Variants in TMEM200C observed in about 807,000 individuals in gnomAD.
TMEM200C encodes transmembrane protein TTMA.
For synonymous variants in TMEM200C, 462 were observed against 324.7 expected, an observed-to-expected ratio of 1.42 and a Z score of -4.55; for missense variants, 966 against 699.9, an observed-to-expected ratio of 1.38 and a Z score of -4.29.
chr18:5,884,953 T>G (rs1333562300), exon 3 of TMEM200C: 1 of 152,166 alleles, frequency 6.6e-6, no homozygotes, highest in Non-Finnish European at 1.5e-5. Flanking sequence ...CATTTACTAG[T>G]ATCAAGTGGG....
chr18:5,894,713 T>C (rs191502704), intron 2 of TMEM200C, among the ~76,000 whole-genome samples: 2 of 152,250 alleles, frequency 1.3e-5, no homozygotes, highest in South Asian at 2.1e-4. Flanking sequence ...CCCCGGCCCC[T>C]CACTGGCAGG....
At chr18:5,896,007 C>G (rs926977248), upstream of TMEM200C, 2 of 152,416 alleles carry the variant, frequency 1.3e-5, no homozygotes, top group Non-Finnish European at 2.9e-5. Flanking sequence ...TTTGTTGCCT[C>G]TACTCCTCGG....
exon 3 of TMEM200C, chr18:5,890,373 G>A (rs750903853): frequency 1.3e-6 from 2 of 1,590,810 alleles, no homozygotes; most frequent in Non-Finnish European, 1.7e-6. Flanking sequence ...AACGGGGGCG[G>A]CCACAGCAGA....
In TMEM200C at chr18:5,884,717, G is replaced by C. The variant is rs549090112; in HGVS notation, c.*5481C>G. The C allele has an allele frequency of 2.0e-5, 3 of 152,098 alleles. No individual in the cohort carries two copies. The East Asian group carries it at 5.8e-4, about 29-fold the overall frequency. 9.4% of individuals were successfully genotyped at this position (152,098 alleles called of 1,614,324 possible). ...ACAAAAGGGAGTGAAAAGGCAATTAGCCACATAAAACAATAGCAAAAGTCC... is the reference window on the plus strand; with the variant it reads ...ACAAAAGGGAGTGAAAAGGCAATTACCCACATAAAACAATAGCAAAAGTCC... On this transcript the variant is annotated 3_prime_UTR_variant, in exon 3 of 3. Coordinates refer to ENST00000581347, the Ensembl canonical transcript of TMEM200C.
exon 3 of TMEM200C, chr18:5,883,693 A>T (rs1016700215): frequency 6.6e-6 from 1 of 152,156 alleles, no homozygotes; most frequent in Non-Finnish European, 1.5e-5. Context: ...TATCATGTGT[A>T]GATTCTGAAA....
chr18:5,887,858 G>T (rs1234037437), exon 3 of TMEM200C: 2 of 152,138 alleles, frequency 1.3e-5, no homozygotes, highest in Non-Finnish European at 2.9e-5. Flanking sequence ...GGAAAATTGA[G>T]CTCATCTTTG....
chr18:5,886,109 A>G (rs1196383074), exon 3 of TMEM200C: 1 of 152,116 alleles, frequency 6.6e-6, no homozygotes, highest in African/African-American at 2.4e-5. Flanking sequence ...TACTAATTTT[A>G]TGTGTCAGAG....
At chr18:5,886,750 C>T (rs2095165642) in exon 3 of TMEM200C, 1 of 152,046 alleles carries the variant, frequency 6.6e-6, no homozygotes, top group South Asian at 2.1e-4. Flanking sequence ...TTTATTATCT[C>T]CATTTACTAG....
chr18:5,883,583 A>G (rs1033773938), exon 3 of TMEM200C: 19 of 152,306 alleles, frequency 1.2e-4, no homozygotes, highest in African/African-American at 4.3e-4. Context: ...TGAGGAACAA[A>G]AAAACGGATG....
exon 3 of TMEM200C, chr18:5,890,456 G>C: frequency 6.3e-7 from 1 of 1,574,922 alleles, no homozygotes; most frequent in Non-Finnish European, 8.6e-7. Context: ...GGGGTGTGTA[G>C]CCCTTATTGC....
exon 3 of TMEM200C, chr18:5,890,681 G>A: frequency 3.7e-6 from 2 of 544,432 alleles, no homozygotes; most frequent in Non-Finnish European, 2.8e-6. Flanking sequence ...CGTACCTGCC[G>A]GTCCTGGGCA....
chr18:5,890,153 G>C, exon 3 of TMEM200C: 1 of 1,482,142 alleles, frequency 6.7e-7, no homozygotes, highest in Non-Finnish European at 9.0e-7. Flanking sequence ...TCAAGTGGGC[G>C]TTTCTCCCAT....
intron 1 of TMEM200C, among the ~76,000 whole-genome samples, 114 bp from the exon 1 acceptor site, chr18:5,895,636 C>T (rs979611433): frequency 2.7e-5 from 4 of 148,136 alleles, no homozygotes; most frequent in East Asian, 2.0e-4. Flanking sequence ...CCCGCTCCCC[C>T]GCGTCCTCCG....
chr18:5,884,597 G>T (rs2095164033), exon 3 of TMEM200C: 1 of 152,096 alleles, frequency 6.6e-6, no homozygotes, highest in Non-Finnish European at 1.5e-5. Context: ...AAACTCATCT[G>T]AAAGCAATTT....
chr18:5,891,663 G>C lies in TMEM200C; in HGVS notation c.401C>G (p.Thr134Arg). Residue 134 changes from threonine to arginine, a missense_variant, in exon 3 of 3, where the codon ACG becomes AGG. Physicochemically the swap from Thr to Arg is moderately conservative, Grantham distance 71 (BLOSUM62 -1). Coordinates refer to ENST00000581347, the Ensembl canonical transcript of TMEM200C. The surrounding 1 kb of genome is among the most constrained non-coding windows in gnomAD (Gnocchi z 4.7). Reference sequence around the variant, plus strand: ...CGGGGAGGCGGCTCGTGCTGGAGGCGTGCTCCTGGGCGCGCCCGCGGAACT... The same window carrying C: ...CGGGGAGGCGGCTCGTGCTGGAGGCCTGCTCCTGGGCGCGCCCGCGGAACT... The C allele has an allele frequency of 3.1e-6, 5 of 1,613,760 alleles. No homozygotes were observed. The Admixed American group carries it at 6.7e-5, about 22-fold the overall frequency.
In TMEM200C at chr18:5,891,266, G is replaced by A; in HGVS notation, c.798C>T (p.Cys266=). 4 of 1,404,130 alleles carry A rather than the reference G, an allele frequency of 2.8e-6. No individual in the cohort carries two copies. The highest frequency in any genetic ancestry group is 2.5e-4 in the Middle Eastern group (1 of 3,948). 87.0% of individuals were successfully genotyped at this position (1,404,130 alleles called of 1,614,324 possible). A position where few individuals can be genotyped will look rare whatever the true frequency, so the allele number is the denominator to read the frequency against. Residue 266 remains cysteine, a synonymous_variant, in exon 3 of 3, where the codon TGC becomes TGT. Transcript: ENST00000581347. This position sits in a 1 kb window ranked among gnomAD's most constrained non-coding sequence, Gnocchi z 4.7. ...CTCCGAAGGCGTCCCCGGAGCCACC[G>A]CAGCCCCCGGGCTTCAGCTCCAGGC... is the stretch of plus-strand genomic sequence containing the variant.
chr18:5,895,185 G>T lies in TMEM200C; in HGVS notation c.-250C>A, dbSNP rs1298875196. On this transcript the variant is annotated 5_prime_UTR_variant, in exon 2 of 3. The change creates a premature stop within an existing upstream ORF in the 5' untranslated region. Coordinates refer to ENST00000581347, the Ensembl canonical transcript of TMEM200C. ...CGCGACTCAGCAGCCCCGCGGGGGC[G>T]AGCGCCCGCCCCAGGCTCGCAGTCC... is the stretch of plus-strand genomic sequence containing the variant. 1 of 151,974 alleles carries T rather than the reference G, an allele frequency of 6.6e-6. No individual in the cohort carries two copies. The highest frequency in any genetic ancestry group is 1.5e-5 in the Non-Finnish European group (1 of 67,964). 9.4% of individuals were successfully genotyped at this position (151,974 alleles called of 1,614,324 possible).
intron 2 of TMEM200C, 35 bp from the exon 2 acceptor site, chr18:5,892,192 G>C (rs1489427842): frequency 1.1e-6 from 1 of 945,344 alleles, no homozygotes; most frequent in African/African-American, 1.6e-5. Flanking sequence ...GAGGGTGTCA[G>C]CTTGGCTGCA....
chr18:5,890,030 C>G (rs2095168426), exon 3 of TMEM200C: 1 of 546,794 alleles, frequency 1.8e-6, no homozygotes, highest in East Asian at 3.3e-5. Flanking sequence ...TTGGAGTTAT[C>G]TACAGGAATC....
Sources: gnomAD v4.1 joint callset for allele counts (sites outside exome capture counted in the v4.1 genomes callset) on GRCh38, gnomAD v4.1.1 for gene constraint, Gnocchi (gnomAD v3.1) non-coding constraint, MANE v1.5 for transcripts, NCBI Gene and HGNC (gene_info 2026-07-23, HGNC 2026-07-21) for gene names.